The following FRMD4A variants were observed in gnomAD, a reference collection of about 807,000 sequenced individuals.
The protein encoded by FRMD4A is FERM domain-containing protein 4A.
In FRMD4A, 29 loss-of-function variants were observed where a neutral mutation model predicts 129.1. The observed-to-expected ratio is 0.22, with a 90% CI of 0.17 to 0.31. The LOEUF (loss-of-function observed/expected upper bound fraction) is 0.31. Among genes scored for constraint, FRMD4A ranks in the 10% least tolerant of loss-of-function variants. The probability of loss-of-function intolerance (pLI) is 1.00; values close to 1 mark genes in which losing one functional copy is unlikely to be tolerated. For missense variants in FRMD4A, 1,272 were observed against 1,375.8 expected (o/e 0.92, Z 1.19); for synonymous variants, 634 against 571.6 (o/e 1.11, Z -1.56).
chr10:14,145,621 A>G (rs1840036984), intron 2 of FRMD4A, among the ~76,000 whole-genome samples: 1 of 152,244 alleles, frequency 6.6e-6, no homozygotes, highest in Non-Finnish European at 1.5e-5. Flanking sequence ...GTTTAGTAAT[A>G]CTATCTGCAA....
At chr10:13,908,525 G>A (rs540464579) in intron 2 of FRMD4A, among the ~76,000 whole-genome samples, 1 of 152,316 alleles carries the variant, frequency 6.6e-6, no homozygotes, top group East Asian at 1.9e-4. Flanking sequence ...ATCAATATGA[G>A]TGTTTTTGAA....
At chr10:14,019,516 G>C (rs761020522) in intron 2 of FRMD4A, among the ~76,000 whole-genome samples, 19 of 152,162 alleles carry the variant, frequency 1.2e-4, no homozygotes, top group Non-Finnish European at 2.4e-4. Context: ...AGGGGGAAGA[G>C]ACACATGTGT....
chr10:13,763,513 C>T (rs4750410), intron 6 of FRMD4A, among the ~76,000 whole-genome samples: 107,500 of 152,064 alleles, frequency 0.71, 39,369 homozygotes, highest in East Asian at 0.96. Context: ...GTTTCTACCA[C>T]TGTAGAAAGT....
chr10:13,672,089 G>A (rs1028525422), intron 16 of FRMD4A, among the ~76,000 whole-genome samples: 1 of 152,230 alleles, frequency 6.6e-6, no homozygotes, highest in Admixed American at 6.5e-5. Context: ...TGCAGGCATG[G>A]TGTGTGCATG....
chr10:14,312,353 A>G (rs777251925), intron 2 of FRMD4A, among the ~76,000 whole-genome samples: 2 of 152,222 alleles, frequency 1.3e-5, no homozygotes, highest in African/African-American at 4.8e-5. Context: ...TGATCAGCCT[A>G]TTAGAATCAG....
intron 6 of FRMD4A, among the ~76,000 whole-genome samples, chr10:13,774,678 AC>A (rs2092552993): frequency 1.3e-5 from 2 of 152,312 alleles, no homozygotes; most frequent in South Asian, 4.1e-4. Context: ...TCACAGGGAC[AC>A]CCACTGGGGG....
intron 15 of FRMD4A, among the ~76,000 whole-genome samples, chr10:13,679,817 C>A (rs1310263434): frequency 6.6e-6 from 1 of 152,132 alleles, no homozygotes; most frequent in African/African-American, 2.4e-5. Context: ...CTGCTACCTG[C>A]AACTAAGCAA....
At chr10:14,133,169 T>C (rs1444304837) in intron 2 of FRMD4A, among the ~76,000 whole-genome samples, 5 of 152,184 alleles carry the variant, frequency 3.3e-5, no homozygotes, top group African/African-American at 1.2e-4. Flanking sequence ...GAAGTTGAAT[T>C]AGCAGGATTA....
chr10:14,211,278 G>A (rs908968137), intron 2 of FRMD4A, among the ~76,000 whole-genome samples: 6 of 152,178 alleles, frequency 3.9e-5, no homozygotes, highest in Admixed American at 6.5e-5. Context: ...GGCAGGTACT[G>A]TCATAATCCC....
intron 2 of FRMD4A, among the ~76,000 whole-genome samples, chr10:14,118,333 AG>A (rs1170263345): frequency 7.2e-5 from 11 of 152,276 alleles, no homozygotes; most frequent in Middle Eastern, 3.4e-3. Context: ...GAGGTCACAG[AG>A]AGTCTTGGGG....
chr10:13,921,741 G>A (rs963933251), intron 2 of FRMD4A, among the ~76,000 whole-genome samples: 6 of 152,190 alleles, frequency 3.9e-5, no homozygotes, highest in African/African-American at 1.4e-4. Context: ...ATGGAGTCTT[G>A]GAGTTAGTGA....
intron 2 of FRMD4A, among the ~76,000 whole-genome samples, chr10:13,899,503 G>T (rs997894306): frequency 6.6e-6 from 1 of 152,210 alleles, no homozygotes; most frequent in African/African-American, 2.4e-5. Context: ...GATGTAAAAA[G>T]GTGAAGTGGG....
intron 3 of FRMD4A, among the ~76,000 whole-genome samples, chr10:13,822,288 G>A (rs1204689598): frequency 6.6e-6 from 1 of 152,186 alleles, no homozygotes; most frequent in Non-Finnish European, 1.5e-5. Context: ...TAACCACGAT[G>A]TACAATAGAT....
intron 2 of FRMD4A, among the ~76,000 whole-genome samples, chr10:13,925,266 C>A (rs994016525): frequency 6.6e-6 from 1 of 152,112 alleles, no homozygotes. Context: ...GGGGCTTGAT[C>A]TTGACCACTG....
chr10:14,249,277 G>C (rs1432699163), intron 2 of FRMD4A, among the ~76,000 whole-genome samples: 1 of 151,608 alleles, frequency 6.6e-6, no homozygotes, highest in African/African-American at 2.4e-5. Context: ...ATTTGAACCC[G>C]GGAGGCAGAG....
intron 2 of FRMD4A, among the ~76,000 whole-genome samples, chr10:14,134,783 T>C (rs1839450584): frequency 6.6e-6 from 1 of 152,002 alleles, no homozygotes; most frequent in Non-Finnish European, 1.5e-5. Context: ...ATAAATGAAG[T>C]TGGGAGGTGT....
chr10:13,910,325 G>A (rs2094928155), intron 2 of FRMD4A, among the ~76,000 whole-genome samples: 1 of 152,194 alleles, frequency 6.6e-6, no homozygotes, highest in Admixed American at 6.5e-5. Flanking sequence ...CAAAGCTGAG[G>A]CAGCCTAGTT....
intron 2 of FRMD4A, among the ~76,000 whole-genome samples, chr10:14,080,482 G>A (rs1465354600): frequency 6.6e-6 from 1 of 151,994 alleles, no homozygotes; most frequent in Non-Finnish European, 1.5e-5. Flanking sequence ...AATTCATGGG[G>A]AGGAATGATT....
chr10:13,975,522 G>C (rs563768456), intron 2 of FRMD4A, among the ~76,000 whole-genome samples: 1 of 151,748 alleles, frequency 6.6e-6, no homozygotes, highest in East Asian at 1.9e-4. Flanking sequence ...TGTGTGTACT[G>C]TGTCTGTGTG....
Sources: gnomAD v4.1 joint callset for allele counts (sites outside exome capture counted in the v4.1 genomes callset) on GRCh38, gnomAD v4.1.1 for gene constraint, MANE v1.5 for transcripts, NCBI Gene and HGNC (gene_info 2026-07-23, HGNC 2026-07-21) for gene names.